The following PLIN1 variants were observed in gnomAD, a reference collection of about 807,000 sequenced individuals.
PLIN1 encodes the protein perilipin 1, also known as perilipin-1.
A neutral mutation model predicts 45.8 loss-of-function variants in PLIN1; 37 were observed. That is an observed-to-expected ratio of 0.81 (90% CI 0.62 to 1.06). The LOEUF is 1.06. Among genes scored for constraint, PLIN1 ranks in the 50% least tolerant of loss-of-function variants. The pLI, the probability that PLIN1 is intolerant of heterozygous loss-of-function variation, is 0.00. For missense variants in PLIN1, 776 were observed against 716.5 expected (o/e 1.08, Z -0.95); for synonymous variants, 340 against 309.2 (o/e 1.10, Z -1.05).
intron 8 of PLIN1, among the ~76,000 whole-genome samples, chr15:89,666,295 C>A (rs1392678632): frequency 6.6e-6 from 1 of 151,728 alleles, no homozygotes; most frequent in Non-Finnish European, 1.5e-5. Flanking sequence ...CTGGGGCTGG[C>A]CCGAGCGCAG....
chr15:89,672,475 C>T (rs1218297427), intron 3 of PLIN1, among the ~76,000 whole-genome samples: 1 of 152,170 alleles, frequency 6.6e-6, no homozygotes, highest in African/African-American at 2.4e-5. Context: ...AGATTGTAGC[C>T]AGGGACAGGG....
At chr15:89,677,354 C>CT in intron 2 of PLIN1, 91 bp downstream of exon 2, 1 of 1,014,508 alleles carries the variant, frequency 9.9e-7, no homozygotes. Context: ...CTGGGAATAT[C>CT]TTGCTCTAAG....
chr15:89,664,956 C>A lies in PLIN1; in HGVS notation c.*627G>T, dbSNP rs567601621. On this transcript the variant is annotated 3_prime_UTR_variant, in exon 9 of 9. Transcript: ENST00000300055. ...TGAGCAAGCAGCTGGCTCTACAAAG[C>A]ACACAGGCCTGGACTCAGCCTGTGA... The A allele has an allele frequency of 1.3e-5, 6 of 456,018 alleles. No individual in the cohort carries two copies. The highest frequency in any genetic ancestry group is 2.6e-5 in the Non-Finnish European group (6 of 226,786). 28.2% of individuals were successfully genotyped at this position (456,018 alleles called of 1,614,324 possible).
At position 89,669,562 on chromosome 15, in the gene PLIN1, T is replaced by C. The variant is rs776236843; in HGVS notation, c.709A>G (p.Met237Val). 9 of 1,613,828 alleles carry C rather than the reference T, an allele frequency of 5.6e-6. No individual in the cohort carries two copies. In the Admixed American group the frequency reaches 6.7e-5, roughly 12 times the overall value. ...TGGCCCTGCTCCAGGGCCCGGGCCATGGTCTGCACGGTGTATCGAGAGAGG... is the reference window on the plus strand; with the variant it reads ...TGGCCCTGCTCCAGGGCCCGGGCCACGGTCTGCACGGTGTATCGAGAGAGG... ...NTLSRYTVQT[M>V]ARALEQGHTV... is the part of the protein sequence containing the mutation. Residue 237 changes from methionine to valine, a missense_variant, in exon 6 of 9, where the codon ATG becomes GTG. Physicochemically the swap from Met to Val is conservative, Grantham distance 21. Coordinates refer to ENST00000300055, the MANE Select transcript of PLIN1 (RefSeq NM_002666.5).
Position 89,665,003 on chromosome 15 carries a change from G to A in PLIN1, c.*580C>T, listed in dbSNP as rs1964308658. On this transcript the variant is annotated 3_prime_UTR_variant, in exon 9 of 9. Transcript: ENST00000300055. ...GTGAAGCGGCGGGTACTCAGAAAGT[G>A]ACACTAGTATTTTAAATAAACACCC... 1 of 447,622 alleles carries A rather than the reference G, an allele frequency of 2.2e-6. No homozygotes were observed. Among genetic ancestry groups the A allele is most frequent in the African/African-American group, 2.0e-5 (1 of 49,676 alleles). The allele number at this position is 447,622 out of a possible 1,614,324, so 27.7% of individuals were successfully genotyped here. A position where few individuals can be genotyped will look rare whatever the true frequency, so the allele number is the denominator to read the frequency against.
chr15:89,666,017 G>A, intron 8 of PLIN1, 75 bp from the exon 9 acceptor site: 1 of 1,177,398 alleles, frequency 8.5e-7, no homozygotes, highest in South Asian at 1.8e-5. Flanking sequence ...GCCCCTTCCC[G>A]GGCCCCTCGA....
chr15:89,677,662 A>G, intron 1 of PLIN1, 159 bp from the exon 2 acceptor site: 3 of 732,216 alleles, frequency 4.1e-6, no homozygotes, highest in East Asian at 2.5e-5. Context: ...ATCACACACA[A>G]TAGCCCCACT....
In PLIN1 at chr15:89,667,197, G is replaced by A; in HGVS notation, c.964-16C>T. 1.2e-6 allele frequency: 2 copies of A among 1,612,362 alleles called. No individual in the cohort carries two copies. ...GGGCTGCTACCTGGGGGCCAAAGCA[G>A]GGTCAGTGCCTCCTGTGGTAACTCC... On this transcript the variant is annotated splice_polypyrimidine_tract_variant and intron_variant, in intron 7 of 8. Transcript: ENST00000300055.
At chr15:89,675,976 G>C (rs537691930) in intron 2 of PLIN1, among the ~76,000 whole-genome samples, 7 of 152,256 alleles carry the variant, frequency 4.6e-5, no homozygotes, top group African/African-American at 1.7e-4. Flanking sequence ...GGCTAATAAA[G>C]GGTACGTGGG....
intron 2 of PLIN1, chr15:89,677,023 C>T: frequency 4.0e-6 from 1 of 251,534 alleles, no homozygotes; most frequent in East Asian, 8.8e-5. Flanking sequence ...GCAGCACAGG[C>T]TGTGCACCGT....
At position 89,665,034 on chromosome 15, in the gene PLIN1, C is replaced by T; in HGVS notation, c.*549G>A. The T allele has an allele frequency of 4.7e-6, 2 of 425,378 alleles. No homozygotes were observed. Among genetic ancestry groups the T allele is most frequent in the South Asian group, 3.4e-5 (2 of 58,788 alleles). The allele number at this position is 425,378 out of a possible 1,614,324, so 26.4% of individuals were successfully genotyped here. A position where few individuals can be genotyped will look rare whatever the true frequency, so the allele number is the denominator to read the frequency against. On this transcript the variant is annotated 3_prime_UTR_variant, in exon 9 of 9. Transcript: ENST00000300055. ...AGTATTTTAAATAAACACCCAAGAG[C>T]TTTTGCATCTGATTGTTCCCTTCAA...
intron 3 of PLIN1, among the ~76,000 whole-genome samples, chr15:89,672,794 C>G (rs1432725881): frequency 1.3e-5 from 2 of 152,236 alleles, no homozygotes; most frequent in Non-Finnish European, 2.9e-5. Context: ...CCCCTCCCTC[C>G]GTGCCCTCCG....
intron 1 of PLIN1, among the ~76,000 whole-genome samples, chr15:89,678,889 A>G (rs1174538632): frequency 6.6e-6 from 1 of 152,100 alleles, no homozygotes; most frequent in Non-Finnish European, 1.5e-5. Context: ...TCTGTTGCCC[A>G]GGATGGAATG....
In PLIN1 at chr15:89,667,631, A is replaced by G. The variant is rs752468220; in HGVS notation, c.934T>C (p.Leu312=). 8 of 1,613,428 alleles carry G rather than the reference A, an allele frequency of 5.0e-6. No homozygotes were observed. In the South Asian group the frequency reaches 7.7e-5, roughly 16 times the overall value. The change falls in exon 7 of 9, where the codon TTG becomes CTG. Residue 312 remains leucine (L), a synonymous_variant. Transcript: ENST00000300055. ...CTGAACTTGTTCTCCTCAGTCTCCA[A>G]TTCTTCCTCCTCCTCCGTGTCCTCT... is the stretch of plus-strand genomic sequence containing the variant. ...EGEDTEEEEE[L]ETEENKFSEV...
At position 89,667,585 on chromosome 15, in the gene PLIN1, C is replaced by G. The variant is rs539630117; in HGVS notation, c.963+17G>C. ...CTGTGGGCTGGGGGACCTTGAGGCT[C>G]CCACTCTCCCCCTCACCTCACTGAA... On this transcript the variant is annotated intron_variant, in intron 7 of 8. Transcript: ENST00000300055. 1 of 1,613,924 alleles carries G rather than the reference C, an allele frequency of 6.2e-7. No homozygotes were observed. Among genetic ancestry groups the G allele is most frequent in the South Asian group, 1.1e-5 (1 of 91,082 alleles).
chr15:89,667,772 C>G lies in PLIN1; in HGVS notation c.793G>C (p.Ala265Pro). ...VPLSSLAQWG[A>P]SVAMQAVSRR... ...GACACCGCCTGCATGGCCACTGAGGCACCCCACTGGGCCAGGCTGCTCTGA... is the reference window on the plus strand; with the variant it reads ...GACACCGCCTGCATGGCCACTGAGGGACCCCACTGGGCCAGGCTGCTCTGA... Residue 265 changes from alanine (A) to proline (P), a missense_variant, in exon 7 of 9, where the codon GCC (alanine) becomes CCC (proline). Physicochemically the swap from Ala to Pro is conservative, Grantham distance 27. Transcript: ENST00000300055. 6.4e-7 allele frequency: 1 copy of G among 1,560,612 alleles called. No homozygotes were observed. Among genetic ancestry groups the G allele is most frequent in the Non-Finnish European group, 8.7e-7 (1 of 1,152,560 alleles).
Position 89,665,474 on chromosome 15 carries a change from C to G in PLIN1, c.*109G>C, listed in dbSNP as rs113590297. On this transcript the variant is annotated 3_prime_UTR_variant, in exon 9 of 9. Coordinates refer to ENST00000300055, the MANE Select transcript of PLIN1 (RefSeq NM_002666.5). The stretch of plus-strand genomic sequence containing the variant: ...GCAGCATCATCAGGATGAGGCTGAG[C>G]TCCCCAGGGGACCACTTTGAAAGTG... The G allele has an allele frequency of 3.1e-6, 3 of 958,814 alleles. No homozygotes were observed. In the East Asian group the frequency reaches 9.3e-5, roughly 30 times the overall value. The allele number at this position is 958,814 out of a possible 1,614,324, so 59.4% of individuals were successfully genotyped here.
chr15:89,669,506 C>T lies in PLIN1; in HGVS notation c.765G>A (p.Val255=). 6.2e-7 allele frequency: 1 copy of T among 1,611,676 alleles called. No individual in the cohort carries two copies. The highest frequency in any genetic ancestry group is 8.5e-7 in the Non-Finnish European group (1 of 1,179,828). The part of the protein sequence containing the change: ...HTVAMWIPGV[V]PLSSLAQWGA... ...GCTCACGGCAGATACTTACCAGGGG[C>T]ACCACGCCTGGGATCCACATGGCCA... The change falls in exon 6 of 9, where the codon GTG becomes GTA. Residue 255 remains valine (V), a synonymous_variant. Transcript: ENST00000300055.
chr15:89,669,144 C>A (rs1964396497), intron 6 of PLIN1, among the ~76,000 whole-genome samples: 1 of 151,930 alleles, frequency 6.6e-6, no homozygotes, highest in Non-Finnish European at 1.5e-5. Context: ...AGATGGAGGT[C>A]CTGCTGTCTT....
Sources: allele counts gnomAD v4.1 joint callset (sites outside exome capture counted in the v4.1 genomes callset), GRCh38; gene constraint gnomAD v4.1.1; transcripts MANE v1.5; gene names NCBI Gene and HGNC (gene_info 2026-07-23, HGNC 2026-07-21).